CTTNBP2: variants seen among roughly 807,000 people sequenced by gnomAD.
CTTNBP2 encodes cortactin binding protein 2, also known as cortactin-binding protein 2.
In CTTNBP2, 108 loss-of-function variants were observed where a neutral mutation model predicts 156.9. That is an observed-to-expected ratio of 0.69 (90% CI 0.59 to 0.81). The LOEUF is 0.81. CTTNBP2 is among the 30% of genes least tolerant of loss of function. The pLI, the probability that CTTNBP2 is intolerant of heterozygous loss-of-function variation, is 0.00. For missense variants in CTTNBP2, 1,924 were observed against 2,035.4 expected (o/e 0.95, Z 1.05); for synonymous variants, 767 against 751.8 (o/e 1.02, Z -0.33).
intron 14 of CTTNBP2, among the ~76,000 whole-genome samples, chr7:117,735,988 G>A (rs1225547605): frequency 1.3e-5 from 2 of 152,196 alleles, no homozygotes; most frequent in African/African-American, 4.8e-5. Context: ...TCTGAGAGCT[G>A]AGAATATTTT....
At chr7:117,835,496 C>A (rs1401700519) in intron 2 of CTTNBP2, among the ~76,000 whole-genome samples, 1 of 152,152 alleles carries the variant, frequency 6.6e-6, no homozygotes. Context: ...GGCAAACACT[C>A]AGCTGTAACC....
chr7:117,828,091 C>T (rs1436172804), intron 2 of CTTNBP2, among the ~76,000 whole-genome samples: 1 of 152,162 alleles, frequency 6.6e-6, no homozygotes, highest in East Asian at 1.9e-4. Context: ...ATGACTCACT[C>T]CATATCAAAA....
chr7:117,804,269 G>A (rs1799797388), intron 3 of CTTNBP2, among the ~76,000 whole-genome samples: 1 of 152,002 alleles, frequency 6.6e-6, no homozygotes, highest in African/African-American at 2.4e-5. Flanking sequence ...AACCAAGCCT[G>A]GCTTCAATTT....
intron 1 of CTTNBP2, among the ~76,000 whole-genome samples, chr7:117,865,939 A>T (rs966532791): frequency 6.8e-6 from 1 of 148,078 alleles, no homozygotes; most frequent in Non-Finnish European, 1.5e-5. Flanking sequence ...ATTTAAAATT[A>T]AAAAGTATAC....
At chr7:117,800,209 C>T (rs1799536217) in intron 3 of CTTNBP2, among the ~76,000 whole-genome samples, 2 of 151,912 alleles carry the variant, frequency 1.3e-5, no homozygotes, top group African/African-American at 4.8e-5. Context: ...GCAAACAAAG[C>T]TGGAAGACTA....
At chr7:117,834,397 T>C (rs1195066827) in intron 2 of CTTNBP2, among the ~76,000 whole-genome samples, 1 of 152,180 alleles carries the variant, frequency 6.6e-6, no homozygotes, top group Non-Finnish European at 1.5e-5. Context: ...GGGTATGTGA[T>C]ACAATTTTGG....
At chr7:117,787,646 G>A (rs1798772114) in intron 4 of CTTNBP2, among the ~76,000 whole-genome samples, 1 of 152,178 alleles carries the variant, frequency 6.6e-6, no homozygotes, top group Non-Finnish European at 1.5e-5. Flanking sequence ...TTTGAAATGT[G>A]TCTATTTGGC....
At chr7:117,752,078 A>T (rs1357057481) in intron 12 of CTTNBP2, among the ~76,000 whole-genome samples, 2 of 152,192 alleles carry the variant, frequency 1.3e-5, no homozygotes, top group African/African-American at 4.8e-5. Context: ...GGGTTGTGGG[A>T]TGTCTTAGAC....
intron 10 of CTTNBP2, among the ~76,000 whole-genome samples, chr7:117,759,220 C>T (rs1167403725): frequency 1.3e-5 from 2 of 151,980 alleles, no homozygotes; most frequent in East Asian, 1.9e-4. Context: ...GGGATCTTCC[C>T]ACCTTAGCCT....
chr7:117,762,330 C>T lies in CTTNBP2; in HGVS notation c.2897-1620G>A, dbSNP rs535048009. 3.9e-5 allele frequency among the ~76,000 whole-genome samples: 6 copies of T among 152,278 alleles called. No homozygotes were observed. In the South Asian group the frequency reaches 1.2e-3, roughly 32 times the overall value. The stretch of plus-strand genomic sequence containing the variant: ...ATTCCTGCATCCAAATCTGAACTCC[C>T]CAACTACATGAGAAAATCTGTTTCA... On this transcript the variant is annotated intron_variant, in intron 9 of 22. Coordinates refer to ENST00000160373, the MANE Select transcript of CTTNBP2 (RefSeq NM_033427.3).
chr7:117,716,243 T>TTTGA (rs1294655685), intron 22 of CTTNBP2, among the ~76,000 whole-genome samples: 2 of 141,786 alleles, frequency 1.4e-5, no homozygotes, highest in Non-Finnish European at 3.1e-5. Flanking sequence ...ACTTTTTTTT[T>TTTGA]GTGGACAGTA....
rs571903689 is a variant in CTTNBP2 at position 117,789,592 on chromosome 7, A to T, written c.2068+1536T>A. On this transcript the variant is annotated intron_variant, in intron 4 of 22. Transcript: ENST00000160373. ...CTCAGTAATACCATTTTGGATCAAAAATATAGAATGCTGAATGCCTGTAAA... is the reference window on the plus strand; with the variant it reads ...CTCAGTAATACCATTTTGGATCAAATATATAGAATGCTGAATGCCTGTAAA... 5.1e-4 allele frequency among the ~76,000 whole-genome samples: 77 copies of T among 152,346 alleles called. 2 individuals are homozygous for T. In the South Asian group the frequency reaches 0.015, roughly 30 times the overall value.
intron 1 of CTTNBP2, among the ~76,000 whole-genome samples, chr7:117,864,691 T>TATATATTC (rs998583232): frequency 8.7e-6 from 1 of 114,862 alleles, no homozygotes; most frequent in Non-Finnish European, 2.1e-5. Flanking sequence ...TATATATTCA[T>TATATATTC]ATATATTCAT....
Position 117,791,122 on chromosome 7 carries a change from C to T in CTTNBP2, c.2068+6G>A. 6.2e-7 allele frequency: 1 copy of T among 1,609,534 alleles called. No individual in the cohort carries two copies. Among genetic ancestry groups the T allele is most frequent in the Admixed American group, 1.7e-5 (1 of 59,878 alleles). On this transcript the variant is annotated splice_donor_region_variant and intron_variant, in intron 4 of 22. Coordinates refer to ENST00000160373, the MANE Select transcript of CTTNBP2 (RefSeq NM_033427.3). ...TAAAAAGCGTATAACATTTCAATCC[C>T]TTTACCTGATGCTGTTACCAGGAGG...
intron 12 of CTTNBP2, among the ~76,000 whole-genome samples, chr7:117,752,371 T>A (rs1796659662): frequency 6.6e-6 from 1 of 152,152 alleles, no homozygotes; most frequent in Non-Finnish European, 1.5e-5. Flanking sequence ...AGGTTTCAAA[T>A]AACCTAACAA....
chr7:117,754,195 G>A (rs866427087), intron 12 of CTTNBP2, among the ~76,000 whole-genome samples: 2 of 152,116 alleles, frequency 1.3e-5, no homozygotes, highest in African/African-American at 4.8e-5. Context: ...CCCTCCACAA[G>A]GCGACTCTCT....
At chr7:117,772,799 G>A (rs1797864465) in intron 8 of CTTNBP2, among the ~76,000 whole-genome samples, 1 of 152,146 alleles carries the variant, frequency 6.6e-6, no homozygotes, top group African/African-American at 2.4e-5. Flanking sequence ...CGAGAAAAAG[G>A]ATCAAAACCC....
At chr7:117,715,493 AG>A (rs1283470146) in intron 22 of CTTNBP2, among the ~76,000 whole-genome samples, 1 of 150,962 alleles carries the variant, frequency 6.6e-6, no homozygotes, top group Non-Finnish European at 1.5e-5. Flanking sequence ...AAAAAAAAAA[AG>A]AAGCCTCAAG....
At chr7:117,820,609 C>T (rs750258959) in intron 2 of CTTNBP2, among the ~76,000 whole-genome samples, 2 of 152,152 alleles carry the variant, frequency 1.3e-5, no homozygotes, top group Non-Finnish European at 2.9e-5. Flanking sequence ...TTCAATTTTT[C>T]AATCATCTGC....
Sources: allele counts gnomAD v4.1 joint callset (sites outside exome capture counted in the v4.1 genomes callset), GRCh38; gene constraint gnomAD v4.1.1; transcripts MANE v1.5; gene names NCBI Gene and HGNC (gene_info 2026-07-23, HGNC 2026-07-21).